Variants in CAST observed in about 807,000 individuals in gnomAD.
The protein encoded by CAST is MIR583 host.
CAST carries 76 observed loss-of-function variants against 119.6 expected under a neutral mutation model. The observed-to-expected ratio is 0.64, with a 90% CI of 0.53 to 0.77. The LOEUF (loss-of-function observed/expected upper bound fraction) is 0.77, where lower values mean the gene tolerates loss of function less well. CAST is among the 30% of genes least tolerant of loss of function. The pLI is 0.00. For synonymous variants in CAST, 319 were observed against 331.6 expected (o/e 0.96, Z 0.41); for missense variants, 953 against 946.5 (o/e 1.01, Z -0.09).
chr5:96,340,667 C>T, the CAST span, among the ~76,000 whole-genome samples: 4 of 152,156 alleles, frequency 2.6e-5, no homozygotes, highest in Non-Finnish European at 5.9e-5. Context: ...TTGTTGTTTA[C>T]CCCAGTTTAT....
At chr5:96,597,803 T>C (rs1747078887) in intron 1 of CAST, among the ~76,000 whole-genome samples, 1 of 152,012 alleles carries the variant, frequency 6.6e-6, no homozygotes, top group African/African-American at 2.4e-5. Context: ...CCCTGCTAAG[T>C]AAATATCATC....
At chr5:96,747,849 G>A (rs147255689) in intron 18 of CAST, among the ~76,000 whole-genome samples, 5 of 152,214 alleles carry the variant, frequency 3.3e-5, no homozygotes, top group South Asian at 2.1e-4. Context: ...GAATGAGGAC[G>A]GTACTGTTAT....
chr5:96,672,381 C>T (rs556496076), intron 1 of CAST, among the ~76,000 whole-genome samples: 2 of 151,950 alleles, frequency 1.3e-5, no homozygotes, highest in Non-Finnish European at 2.9e-5. Flanking sequence ...CTTTTCTGTC[C>T]GTTGGAAATT....
the CAST span, among the ~76,000 whole-genome samples, chr5:96,132,686 A>G: frequency 1.3e-5 from 2 of 152,140 alleles, no homozygotes; most frequent in African/African-American, 4.8e-5. Context: ...TTGAAAGACT[A>G]TGGATATAGA....
chr5:96,184,018 T>C, the CAST span, among the ~76,000 whole-genome samples: 8 of 152,218 alleles, frequency 5.3e-5, no homozygotes, highest in Non-Finnish European at 1.0e-4. Context: ...AAAATGCATA[T>C]GTATAGGTAA....
chr5:96,286,042 CAT>C, the CAST span, among the ~76,000 whole-genome samples: 10 of 152,302 alleles, frequency 6.6e-5, no homozygotes, highest in East Asian at 1.9e-3. Flanking sequence ...TTTATTTTAA[CAT>C]AGAAACAGAG....
intron 1 of CAST, among the ~76,000 whole-genome samples, chr5:96,613,817 T>C (rs1371039425): frequency 6.6e-6 from 1 of 152,236 alleles, no homozygotes; most frequent in Non-Finnish European, 1.5e-5. Context: ...ATCTTAATCC[T>C]GTAGGTCTGG....
the CAST span, among the ~76,000 whole-genome samples, chr5:96,063,748 G>A: frequency 6.6e-6 from 1 of 152,268 alleles, no homozygotes; most frequent in African/African-American, 2.4e-5. Context: ...ACAATTCTGG[G>A]AGGTTGCTAC....
At chr5:96,555,961 A>C (rs1746230142) in intron 1 of CAST, among the ~76,000 whole-genome samples, 1 of 152,188 alleles carries the variant, frequency 6.6e-6, no homozygotes, top group Non-Finnish European at 1.5e-5. Context: ...GGCACCCCCC[A>C]GTAGGGGCAG....
the CAST span, among the ~76,000 whole-genome samples, chr5:96,253,660 A>G: frequency 6.6e-6 from 1 of 152,108 alleles, no homozygotes; most frequent in African/African-American, 2.4e-5. Flanking sequence ...CATAAACACT[A>G]AATATTACTG....
At chr5:96,510,157 A>G in the CAST span, among the ~76,000 whole-genome samples, 3 of 152,188 alleles carry the variant, frequency 2.0e-5, no homozygotes, top group African/African-American at 7.2e-5. Flanking sequence ...GGGAAGTCCA[A>G]GTTATTTCTC....
At chr5:96,330,092 A>G in the CAST span, among the ~76,000 whole-genome samples, 2 of 152,218 alleles carry the variant, frequency 1.3e-5, no homozygotes. Flanking sequence ...TGAGTCAGGA[A>G]CACCTTGTCA....
chr5:96,720,712 T>C (rs1194711987), intron 3 of CAST, among the ~76,000 whole-genome samples: 1 of 152,250 alleles, frequency 6.6e-6, no homozygotes, highest in Non-Finnish European at 1.5e-5. Context: ...TTCTCCTTTC[T>C]GGAATTTGAG....
the CAST span, among the ~76,000 whole-genome samples, chr5:96,240,570 T>C: frequency 6.6e-6 from 1 of 151,976 alleles, no homozygotes; most frequent in Non-Finnish European, 1.5e-5. Flanking sequence ...TTTTTATTAT[T>C]ATTATTTTTT....
At chr5:96,237,310 T>C in the CAST span, among the ~76,000 whole-genome samples, 1 of 152,226 alleles carries the variant, frequency 6.6e-6, no homozygotes, top group Admixed American at 6.5e-5. Flanking sequence ...GTTAGTATCA[T>C]GTGATTTGTC....
the CAST span, among the ~76,000 whole-genome samples, chr5:95,974,149 G>A: frequency 1.3e-5 from 2 of 152,136 alleles, no homozygotes; most frequent in East Asian, 1.9e-4. Flanking sequence ...TGACCAAGCT[G>A]CCTGGACAGT....
the CAST span, among the ~76,000 whole-genome samples, chr5:96,013,921 G>A: frequency 1.3e-5 from 2 of 152,102 alleles, no homozygotes; most frequent in South Asian, 2.1e-4. Flanking sequence ...TACTATTGTA[G>A]ACTTTACAAA....
At chr5:96,626,348 A>G (rs3853203) in intron 1 of CAST, among the ~76,000 whole-genome samples, 67,060 of 151,998 alleles carry the variant, frequency 0.44, 14,903 homozygotes, top group East Asian at 0.57. Flanking sequence ...TAAATTAGGT[A>G]AGGTCCTCTC....
At chr5:96,394,997 A>G in the CAST span, 1 of 1,613,976 alleles carries the variant, frequency 6.2e-7, no homozygotes, top group Non-Finnish European at 8.5e-7. Flanking sequence ...CCAGTTCACA[A>G]TTCTTCCTTC....
Sources: gnomAD v4.1 joint callset for allele counts (sites outside exome capture counted in the v4.1 genomes callset) on GRCh38, gnomAD v4.1.1 for gene constraint, MANE v1.5 for transcripts, NCBI Gene and HGNC (gene_info 2026-07-23, HGNC 2026-07-21) for gene names.